CCDC91: variants seen among roughly 807,000 people sequenced by gnomAD.
CCDC91 encodes the protein coiled-coil domain-containing protein 91.
Under a neutral mutation model 63.2 loss-of-function variants are expected in CCDC91, and 48 were observed. That is an observed-to-expected ratio of 0.76 (90% CI 0.60 to 0.97). CCDC91 has a LOEUF of 0.97. Among genes scored for constraint, CCDC91 ranks in the 50% least tolerant of loss-of-function variants. CCDC91 has a pLI of 0.00. For synonymous variants in CCDC91, 167 were observed against 165.8 expected, an observed-to-expected ratio of 1.01 and a Z score of -0.06; for missense variants, 500 against 494.6, an observed-to-expected ratio of 1.01 and a Z score of -0.10.
At chr12:28,375,572 A>G (rs1944894784) in intron 7 of CCDC91, among the ~76,000 whole-genome samples, 1 of 151,898 alleles carries the variant, frequency 6.6e-6, no homozygotes, top group African/African-American at 2.4e-5. Flanking sequence ...AACTAACCTA[A>G]TGTGCCTCAT....
chr12:28,331,081 G>C (rs199636011), intron 6 of CCDC91, among the ~76,000 whole-genome samples: 1 of 152,238 alleles, frequency 6.6e-6, no homozygotes, highest in East Asian at 1.9e-4. Context: ...TAAGACAAAG[G>C]CATCTGTTAA....
chr12:28,388,805 T>A (rs1368110580), intron 7 of CCDC91, among the ~76,000 whole-genome samples: 1 of 152,096 alleles, frequency 6.6e-6, no homozygotes, highest in Non-Finnish European at 1.5e-5. Context: ...GCAAGCCACA[T>A]CTAGGAGATT....
intron 11 of CCDC91, among the ~76,000 whole-genome samples, chr12:28,475,377 T>G (rs1308377296): frequency 6.6e-6 from 1 of 152,130 alleles, no homozygotes. Context: ...AGAGTATTCA[T>G]GAAAATATTT....
At chr12:28,297,880 C>T (rs1446420682) in intron 3 of CCDC91, among the ~76,000 whole-genome samples, 1 of 151,754 alleles carries the variant, frequency 6.6e-6, no homozygotes, top group African/African-American at 2.4e-5. Context: ...ATTTATTAAG[C>T]ACACACATTT....
chr12:28,501,780 G>A (rs1937914114), intron 12 of CCDC91, among the ~76,000 whole-genome samples: 2 of 151,836 alleles, frequency 1.3e-5, no homozygotes, highest in South Asian at 4.1e-4. Flanking sequence ...CAGAAGGAAT[G>A]GTACCAGTTC....
chr12:28,391,861 T>A lies in CCDC91; in HGVS notation c.762+450T>A, dbSNP rs187912508. Among the ~76,000 whole-genome samples, 1,251 of 152,336 alleles carry A rather than the reference T, an allele frequency of 8.2e-3. 7 individuals carry two copies. Among genetic ancestry groups the A allele is most frequent in the Non-Finnish European group, 0.011 (766 of 68,018 alleles). On this transcript the variant is annotated intron_variant, in intron 8 of 12. Coordinates refer to ENST00000536442, the MANE Select transcript of CCDC91 (RefSeq NM_018318.5). ...CTTTTCTTGATTTAATATCTTAGCTTAAATTATTCACTGCTTTACATTAAA... is the reference window on the plus strand; with the variant it reads ...CTTTTCTTGATTTAATATCTTAGCTAAAATTATTCACTGCTTTACATTAAA...
At chr12:28,345,991 C>A (rs1942784982) in intron 6 of CCDC91, among the ~76,000 whole-genome samples, 1 of 151,964 alleles carries the variant, frequency 6.6e-6, no homozygotes, top group African/African-American at 2.4e-5. Flanking sequence ...GTCTTTTATG[C>A]ATTTTTATTC....
At chr12:28,546,441 T>G (rs1395278920) in intron 12 of CCDC91, among the ~76,000 whole-genome samples, 2 of 152,036 alleles carry the variant, frequency 1.3e-5, no homozygotes, top group African/African-American at 4.8e-5. Context: ...TGTGTAGAGA[T>G]AGGTGAATTG....
intron 1 of CCDC91, among the ~76,000 whole-genome samples, chr12:28,211,350 G>A (rs541519207): frequency 6.6e-6 from 1 of 152,038 alleles, no homozygotes; most frequent in South Asian, 2.1e-4. Flanking sequence ...ACAACACAAA[G>A]GAAAATTATC....
At chr12:28,411,509 A>G (rs1947314706) in intron 8 of CCDC91, among the ~76,000 whole-genome samples, 1 of 152,196 alleles carries the variant, frequency 6.6e-6, no homozygotes, top group Non-Finnish European at 1.5e-5. Flanking sequence ...AAAGTTACAA[A>G]TAGAGCTAAC....
At chr12:28,436,322 C>A (rs1948903583) in intron 8 of CCDC91, among the ~76,000 whole-genome samples, 1 of 151,470 alleles carries the variant, frequency 6.6e-6, no homozygotes, top group South Asian at 2.1e-4. Context: ...ACAACTAATC[C>A]AATTTAACTT....
intron 7 of CCDC91, among the ~76,000 whole-genome samples, chr12:28,372,861 A>G (rs912335673): frequency 1.3e-5 from 2 of 152,140 alleles, no homozygotes; most frequent in Admixed American, 6.5e-5. Flanking sequence ...GACTTCCAGT[A>G]CTGTGTTGAA....
chr12:28,523,826 A>T (rs1277487584), intron 12 of CCDC91, among the ~76,000 whole-genome samples: 6 of 152,026 alleles, frequency 3.9e-5, no homozygotes, highest in African/African-American at 1.4e-4. Flanking sequence ...TTTCTCCTTC[A>T]CTTATGAAGC....
intron 12 of CCDC91, among the ~76,000 whole-genome samples, chr12:28,538,010 C>G (rs540608448): frequency 5.3e-5 from 8 of 151,832 alleles, no homozygotes; most frequent in East Asian, 1.9e-4. Context: ...GCTATAATCT[C>G]TAATTTCTTA....
At chr12:28,228,179 A>G (rs1197805500) in intron 1 of CCDC91, among the ~76,000 whole-genome samples, 2 of 152,050 alleles carry the variant, frequency 1.3e-5, no homozygotes, top group Non-Finnish European at 2.9e-5. Context: ...TTGGTTTGCC[A>G]TACTATGTGC....
chr12:28,455,807 A>AT (rs1012667107), intron 11 of CCDC91, among the ~76,000 whole-genome samples: 1 of 151,954 alleles, frequency 6.6e-6, no homozygotes, highest in African/African-American at 2.4e-5. Context: ...CACTTTTCTA[A>AT]TTTTTTTAGA....
At chr12:28,268,358 C>T (rs1394350111) in intron 3 of CCDC91, among the ~76,000 whole-genome samples, 1 of 152,000 alleles carries the variant, frequency 6.6e-6, no homozygotes, top group Non-Finnish European at 1.5e-5. Context: ...CCACTGTGCC[C>T]AGCTGGATTA....
At chr12:28,393,244 C>T (rs1456981369) in intron 8 of CCDC91, among the ~76,000 whole-genome samples, 3 of 151,946 alleles carry the variant, frequency 2.0e-5, no homozygotes, top group Admixed American at 6.6e-5. Flanking sequence ...GCCCAGGGGT[C>T]GTTTTAAGTA....
intron 11 of CCDC91, among the ~76,000 whole-genome samples, chr12:28,467,786 C>T (rs1240756868): frequency 6.6e-6 from 1 of 151,880 alleles, no homozygotes; most frequent in Non-Finnish European, 1.5e-5. Flanking sequence ...TGGAATAAAA[C>T]TAGAAATCAA....
Sources: allele counts gnomAD v4.1 joint callset (sites outside exome capture counted in the v4.1 genomes callset), GRCh38; gene constraint gnomAD v4.1.1; transcripts MANE v1.5; gene names NCBI Gene and HGNC (gene_info 2026-07-23, HGNC 2026-07-21).